XIRP2: variants seen among roughly 807,000 people sequenced by gnomAD.
XIRP2 encodes the protein xin actin-binding repeat-containing protein 2.
In XIRP2, 236 loss-of-function variants were observed where a neutral mutation model predicts 277.0. The observed-to-expected ratio is 0.85, with a 90% CI of 0.77 to 0.95. The LOEUF (loss-of-function observed/expected upper bound fraction) is 0.95. Ranked by LOEUF, XIRP2 falls within the 40% of genes least tolerant of loss-of-function variation. XIRP2 has a pLI of 0.00. For synonymous variants in XIRP2, 1,490 were observed against 1,416.5 expected (o/e 1.05, Z -1.17); for missense variants, 4,640 against 4,157.5 (o/e 1.12, Z -3.19).
rs1695132353 is a variant in XIRP2 at position 167,243,278 on chromosome 2, T to C, written c.1886T>C (p.Leu629Pro). ...WMFETQPIDT[L>P]GAYSSDTVEN... ...TTTGAAACCCAACCCATCGACACAC[T>C]TGGGGCTTATTCTTCTGACACTGTA... is the stretch of plus-strand genomic sequence containing the variant. The change falls in exon 9 of 11, where the codon CTT becomes CCT. Residue 629 changes from leucine (L) to proline (P), a missense_variant. Coordinates refer to ENST00000409195, the MANE Select transcript of XIRP2 (RefSeq NM_152381.6). 1 of 1,613,576 alleles carries C rather than the reference T, an allele frequency of 6.2e-7. No homozygotes were observed. The highest frequency in any genetic ancestry group is 1.7e-5 in the Admixed American group (1 of 59,972).
Position 167,258,457 on chromosome 2 carries a change from T to A in XIRP2, c.*640T>A, listed in dbSNP as rs73012065. ...ATGAAAAGAAGGAAGGAAGGAAGAA[T>A]GTGCAAGATAGGCCGAGTGAAGCTG... is the stretch of plus-strand genomic sequence containing the variant. On this transcript the variant is annotated 3_prime_UTR_variant, in exon 11 of 11. Transcript: ENST00000409195. 4.3e-6 allele frequency: 7 copies of A among 1,612,602 alleles called. No homozygotes were observed. The Admixed American group carries it at 8.4e-5, about 19-fold the overall frequency.
chr2:167,224,256 C>T (rs1694523957), intron 5 of XIRP2, among the ~76,000 whole-genome samples: 1 of 152,026 alleles, frequency 6.6e-6, no homozygotes, highest in Non-Finnish European at 1.5e-5. Flanking sequence ...TATTTTGAGA[C>T]AGGGTCTTGC....
chr2:167,142,407 G>A (rs1691745393), intron 3 of XIRP2, among the ~76,000 whole-genome samples: 1 of 152,006 alleles, frequency 6.6e-6, no homozygotes, highest in Non-Finnish European at 1.5e-5. Context: ...AATTAGCTGG[G>A]CATAGTGGCA....
chr2:167,106,520 C>T (rs1288421761), intron 2 of XIRP2, among the ~76,000 whole-genome samples: 1 of 151,652 alleles, frequency 6.6e-6, no homozygotes, highest in Non-Finnish European at 1.5e-5. Context: ...TACATATACT[C>T]TTTCATTAAT....
At chr2:167,128,465 C>T (rs1691274557) in intron 2 of XIRP2, among the ~76,000 whole-genome samples, 1 of 151,712 alleles carries the variant, frequency 6.6e-6, no homozygotes, top group East Asian at 1.9e-4. Context: ...CTGGGAAACC[C>T]GTGAATATGG....
intron 2 of XIRP2, among the ~76,000 whole-genome samples, chr2:166,910,646 T>C (rs944855754): frequency 6.6e-6 from 1 of 152,194 alleles, no homozygotes; most frequent in South Asian, 2.1e-4. Context: ...ATTTCTTGCC[T>C]TCTGCTAGCT....
At chr2:166,951,588 A>C (rs1686034521) in intron 2 of XIRP2, among the ~76,000 whole-genome samples, 1 of 152,018 alleles carries the variant, frequency 6.6e-6, no homozygotes, top group Non-Finnish European at 1.5e-5. Context: ...AGTTAGAAAA[A>C]AAAGTTGGCA....
At chr2:167,010,811 T>C (rs1214686322) in intron 2 of XIRP2, among the ~76,000 whole-genome samples, 1 of 152,046 alleles carries the variant, frequency 6.6e-6, no homozygotes, top group Non-Finnish European at 1.5e-5. Context: ...GATTCCTAGG[T>C]ATTTTATTCT....
At chr2:167,077,597 GA>G (rs1185347917) in intron 2 of XIRP2, among the ~76,000 whole-genome samples, 1 of 152,184 alleles carries the variant, frequency 6.6e-6, no homozygotes, top group African/African-American at 2.4e-5. Context: ...CATAACCCAG[GA>G]AGGTCACTGA....
At chr2:167,086,913 T>C (rs1312658249) in intron 2 of XIRP2, among the ~76,000 whole-genome samples, 1 of 152,164 alleles carries the variant, frequency 6.6e-6, no homozygotes, top group African/African-American at 2.4e-5. Flanking sequence ...TCAGAGTAAT[T>C]TGATCGTCTG....
intron 2 of XIRP2, among the ~76,000 whole-genome samples, chr2:167,052,446 T>C (rs1318684462): frequency 6.6e-6 from 1 of 152,134 alleles, no homozygotes; most frequent in Non-Finnish European, 1.5e-5. Context: ...ACAGCTATTA[T>C]ACCATTCATA....
At chr2:166,923,661 A>G (rs895867107) in intron 2 of XIRP2, among the ~76,000 whole-genome samples, 1 of 152,086 alleles carries the variant, frequency 6.6e-6, no homozygotes, top group African/African-American at 2.4e-5. Flanking sequence ...TACATCCCAG[A>G]CAGATGGTAG....
Position 167,254,095 on chromosome 2 carries a change from T to A in XIRP2, c.10619T>A (p.Val3540Glu). The A allele has an allele frequency of 6.2e-7, 1 of 1,610,950 alleles. No homozygotes were observed. Among genetic ancestry groups the A allele is most frequent in the Non-Finnish European group, 8.5e-7 (1 of 1,178,292 alleles). Residue 3540 changes from valine (V) to glutamate (E), a missense_variant, in exon 10 of 11, where the codon GTG becomes GAG. By Grantham distance (121) the Val-to-Glu change is moderately radical (BLOSUM62 -2). Coordinates refer to ENST00000409195, the MANE Select transcript of XIRP2 (RefSeq NM_152381.6). The stretch of plus-strand genomic sequence containing the variant: ...TCAAAAGACAGTTTATCCAATGGAG[T>A]GCCTAGTGGCAGACAAGCAGAATTT... ...TLSKDSLSNG[V>E]PSGRQAEFS
chr2:167,003,681 T>G (rs1441043408), intron 2 of XIRP2, among the ~76,000 whole-genome samples: 2 of 151,888 alleles, frequency 1.3e-5, no homozygotes, highest in Admixed American at 1.3e-4. Flanking sequence ...GAAAGAAGAC[T>G]TTAAAGAGAT....
chr2:167,154,250 G>C (rs201384819), intron 3 of XIRP2, among the ~76,000 whole-genome samples: 46 of 149,310 alleles, frequency 3.1e-4, no homozygotes, highest in East Asian at 5.9e-4. Context: ...CTTTTTGATG[G>C]GGTTGTTTGT....
At chr2:167,027,909 T>G (rs1307845902) in intron 2 of XIRP2, among the ~76,000 whole-genome samples, 2 of 152,074 alleles carry the variant, frequency 1.3e-5, no homozygotes, top group African/African-American at 2.4e-5. Context: ...ATAACACATT[T>G]GCCTAGCAAA....
chr2:166,907,612 GTTT>G (rs879666201), intron 2 of XIRP2, among the ~76,000 whole-genome samples: 1 of 141,264 alleles, frequency 7.1e-6, no homozygotes. Flanking sequence ...GGTCATAGAA[GTTT>G]TTTTTTTTTT....
At chr2:166,980,296 T>C (rs1686831074) in intron 2 of XIRP2, among the ~76,000 whole-genome samples, 1 of 152,186 alleles carries the variant, frequency 6.6e-6, no homozygotes, top group Non-Finnish European at 1.5e-5. Flanking sequence ...TTGTTTCTTA[T>C]GGACAGAGTA....
chr2:167,225,079 T>C lies in XIRP2; in HGVS notation c.858+6779T>C, dbSNP rs138183732. ...AAGATAAGGTGGACCAAGAAAGAAA[T>C]ATGCTTCAAACACTCTATATAGGTA... On this transcript the variant is annotated intron_variant, in intron 5 of 10. Transcript: ENST00000409195. Among the ~76,000 whole-genome samples, 643 of 152,288 alleles carry C rather than the reference T, an allele frequency of 4.2e-3. 2 individuals carry two copies. The highest frequency in any genetic ancestry group is 0.014 in the African/African-American group (593 of 41,560).
Sources: allele counts gnomAD v4.1 joint callset (sites outside exome capture counted in the v4.1 genomes callset), GRCh38; gene constraint gnomAD v4.1.1; transcripts MANE v1.5; gene names NCBI Gene and HGNC (gene_info 2026-07-23, HGNC 2026-07-21).